BAZ2B: variants seen among roughly 807,000 people sequenced by gnomAD.
The protein encoded by BAZ2B is bromodomain adjacent to zinc finger domain protein 2B.
Under a neutral mutation model 246.0 loss-of-function variants are expected in BAZ2B, and 91 were observed. The ratio of observed to expected loss-of-function variants is 0.37; its 90% confidence interval spans 0.31 to 0.44. The LOEUF (loss-of-function observed/expected upper bound fraction) is 0.44, where lower values mean the gene tolerates loss of function less well. Ranked by LOEUF, BAZ2B falls within the 20% of genes least tolerant of loss-of-function variation. The pLI is 1.00. For synonymous variants in BAZ2B, 855 were observed against 860.0 expected, an observed-to-expected ratio of 0.99 and a Z score of 0.10; for missense variants, 2,332 against 2,533.7, an observed-to-expected ratio of 0.92 and a Z score of 1.71.
At chr2:159,350,536 CATATAT>C (rs59292549) in intron 27 of BAZ2B, among the ~76,000 whole-genome samples, 179 bp from the exon 28 acceptor site, 1 of 148,614 alleles carries the variant, frequency 6.7e-6, no homozygotes, top group African/African-American at 2.5e-5. Context: ...GGAAAATTAA[CATATAT>C]ATATATATAT....
downstream of BAZ2B, among the ~76,000 whole-genome samples, chr2:159,315,588 G>C (rs1283987931): frequency 6.6e-6 from 1 of 152,176 alleles, no homozygotes; most frequent in Non-Finnish European, 1.5e-5. Flanking sequence ...GTTTTGCCGA[G>C]AACAAGTAAT....
At chr2:159,453,330 C>T (rs2075329606) in intron 4 of BAZ2B, among the ~76,000 whole-genome samples, 1 of 151,762 alleles carries the variant, frequency 6.6e-6, no homozygotes. Context: ...TATTATACTT[C>T]AACAAAAAAA....
At chr2:159,401,046 A>AC (rs1280294085) in intron 16 of BAZ2B, among the ~76,000 whole-genome samples, 4 of 151,012 alleles carry the variant, frequency 2.6e-5, no homozygotes, top group African/African-American at 9.8e-5. Flanking sequence ...CCGTCTCAAA[A>AC]TAAAAAAAAA....
intron 23 of BAZ2B, among the ~76,000 whole-genome samples, chr2:159,383,881 C>T (rs2062302062): frequency 6.6e-6 from 1 of 152,070 alleles, no homozygotes; most frequent in Non-Finnish European, 1.5e-5. Context: ...ATAACTTCTT[C>T]AATGGATACA....
At chr2:159,392,171 T>C (rs926136334) in intron 20 of BAZ2B, 1 of 152,150 alleles carries the variant, frequency 6.6e-6, no homozygotes, top group African/African-American at 2.4e-5. Context: ...GGATGATTAA[T>C]GACGATGAAG....
intron 1 of BAZ2B, among the ~76,000 whole-genome samples, chr2:159,576,665 G>C (rs1685379017): frequency 6.6e-6 from 1 of 151,804 alleles, no homozygotes; most frequent in South Asian, 2.1e-4. Context: ...TGTAATCCCA[G>C]TACTTTGGGA....
At chr2:159,670,016 GC>G in the BAZ2B span, among the ~76,000 whole-genome samples, 1 of 151,930 alleles carries the variant, frequency 6.6e-6, no homozygotes, top group Non-Finnish European at 1.5e-5. Context: ...TGTCGCCCAG[GC>G]TGGAGTGCAG....
At chr2:159,489,282 C>T (rs1353176154) in intron 2 of BAZ2B, among the ~76,000 whole-genome samples, 2 of 151,738 alleles carry the variant, frequency 1.3e-5, no homozygotes, top group South Asian at 2.1e-4. Context: ...AAAAAACTCA[C>T]GAATGGACTC....
chr2:159,628,426 A>G, the BAZ2B span, among the ~76,000 whole-genome samples: 1 of 152,246 alleles, frequency 6.6e-6, no homozygotes, highest in Non-Finnish European at 1.5e-5. Context: ...ACTATACTAC[A>G]AGGCTACAGT....
chr2:159,392,588 G>C (rs2063484379), intron 20 of BAZ2B, among the ~76,000 whole-genome samples: 2 of 152,026 alleles, frequency 1.3e-5, no homozygotes, highest in African/African-American at 4.8e-5. Context: ...TTTTTAATGA[G>C]TTTATCTTTC....
intron 14 of BAZ2B, 65 bp from the exon 15 acceptor site, chr2:159,405,179 CTG>C (rs2065708728): frequency 7.3e-7 from 1 of 1,362,444 alleles, no homozygotes. Flanking sequence ...AAAACAATAA[CTG>C]TGTGAAAATG....
At chr2:159,498,407 T>C (rs573283629) in intron 2 of BAZ2B, among the ~76,000 whole-genome samples, 2 of 152,204 alleles carry the variant, frequency 1.3e-5, no homozygotes, top group African/African-American at 4.8e-5. Context: ...AAGAGTATAT[T>C]AGGCGATCCC....
the BAZ2B span, among the ~76,000 whole-genome samples, chr2:159,681,936 A>G: frequency 0.013 from 1,496 of 118,442 alleles, 16 homozygotes; most frequent in Middle Eastern, 0.056. Context: ...TAAAAAATAA[A>G]TTTAAAAAAA....
intron 2 of BAZ2B, among the ~76,000 whole-genome samples, chr2:159,549,544 G>A (rs989346455): frequency 2.6e-5 from 4 of 152,132 alleles, no homozygotes; most frequent in African/African-American, 9.7e-5. Flanking sequence ...ACTGGATGAA[G>A]AGGGATTGTG....
chr2:159,361,635 A>G (rs1056605889), intron 27 of BAZ2B, among the ~76,000 whole-genome samples: 7 of 152,232 alleles, frequency 4.6e-5, no homozygotes, highest in Non-Finnish European at 7.3e-5. Context: ...ATATCATTCT[A>G]CTATAAAGAC....
intron 1 of BAZ2B, among the ~76,000 whole-genome samples, chr2:159,589,952 C>T (rs562675864): frequency 6.6e-6 from 1 of 151,886 alleles, no homozygotes; most frequent in Non-Finnish European, 1.5e-5. Context: ...TTTGGCAGGC[C>T]GAGGCAGGCA....
In BAZ2B at chr2:159,389,360, G is replaced by A; in HGVS notation, c.3201C>T (p.Cys1067=). 1 of 1,608,502 alleles carries A rather than the reference G, an allele frequency of 6.2e-7. No individual in the cohort carries two copies. The highest frequency in any genetic ancestry group is 1.1e-5 in the South Asian group (1 of 89,832). The change falls in exon 21 of 37, where the codon TGC becomes TGT. Residue 1067 remains cysteine, a synonymous_variant. Transcript: ENST00000392783. ...KELKKPNEDM[C]LADQKPLPEL... ...TATAAATTACCTTTTGGTCTGCTAAGCACATGTCTTCATTAGGCTTCTTTA... is the reference window on the plus strand; with the variant it reads ...TATAAATTACCTTTTGGTCTGCTAAACACATGTCTTCATTAGGCTTCTTTA...
chr2:159,386,943 T>C (rs2062717168), intron 21 of BAZ2B, among the ~76,000 whole-genome samples: 1 of 152,188 alleles, frequency 6.6e-6, no homozygotes, highest in African/African-American at 2.4e-5. Context: ...ACATGGATTA[T>C]ATAACTGGAG....
intron 27 of BAZ2B, among the ~76,000 whole-genome samples, chr2:159,362,549 A>G (rs2059824770): frequency 6.6e-6 from 1 of 152,172 alleles, no homozygotes; most frequent in Non-Finnish European, 1.5e-5. Flanking sequence ...TCTCACTAAC[A>G]AACTTTGCTG....
Sources: gnomAD v4.1 joint callset for allele counts (sites outside exome capture counted in the v4.1 genomes callset) on GRCh38, gnomAD v4.1.1 for gene constraint, MANE v1.5 for transcripts, NCBI Gene and HGNC (gene_info 2026-07-23, HGNC 2026-07-21) for gene names.